The following GPC6 variants were observed in gnomAD, a reference collection of about 807,000 sequenced individuals.
The protein encoded by GPC6 is glypican 6.
In GPC6, 14 loss-of-function variants were observed where a neutral mutation model predicts 55.2. The observed-to-expected ratio is 0.25, with a 90% CI of 0.17 to 0.40. GPC6 has a LOEUF of 0.40. Ranked by LOEUF, GPC6 falls within the 10% of genes least tolerant of loss-of-function variation. The pLI, the probability that GPC6 is intolerant of heterozygous loss-of-function variation, is 1.00. For missense variants in GPC6, 641 were observed against 708.5 expected (o/e 0.90, Z 1.08); for synonymous variants, 278 against 259.6 (o/e 1.07, Z -0.68).
intron 1 of GPC6, among the ~76,000 whole-genome samples, chr13:93,448,706 T>C (rs1011561747): frequency 5.3e-5 from 8 of 152,174 alleles, no homozygotes; most frequent in Non-Finnish European, 1.0e-4. Flanking sequence ...GTTTTCCATA[T>C]CTAAGTGGAA....
chr13:93,634,294 C>T (rs951397344), intron 2 of GPC6, among the ~76,000 whole-genome samples: 6 of 152,136 alleles, frequency 3.9e-5, no homozygotes, highest in African/African-American at 1.4e-4. Flanking sequence ...ACATTAGTGA[C>T]GCCTTATGCA....
chr13:93,285,790 C>T (rs1878104100), intron 1 of GPC6, among the ~76,000 whole-genome samples: 1 of 151,896 alleles, frequency 6.6e-6, no homozygotes, highest in Non-Finnish European at 1.5e-5. Context: ...ATTATAGGAA[C>T]AAAATTGCTG....
intron 7 of GPC6, among the ~76,000 whole-genome samples, chr13:94,387,861 G>A (rs1017427303): frequency 1.3e-5 from 2 of 152,002 alleles, no homozygotes; most frequent in Non-Finnish European, 2.9e-5. Context: ...TGGACACCAT[G>A]GTCCCAAGAA....
intron 4 of GPC6, among the ~76,000 whole-genome samples, chr13:94,100,349 A>G (rs745811496): frequency 1.2e-4 from 19 of 152,194 alleles, no homozygotes; most frequent in Non-Finnish European, 2.2e-4. Context: ...TTCACATTTC[A>G]GTGTTTAATA....
chr13:93,410,400 T>G (rs1343143257), intron 1 of GPC6, among the ~76,000 whole-genome samples: 1 of 152,174 alleles, frequency 6.6e-6, no homozygotes, highest in Admixed American at 6.6e-5. Flanking sequence ...GAAGAGCAGC[T>G]GGTAAAGCTA....
In GPC6 at chr13:93,686,391, A is replaced by G. The variant is rs1375019799; in HGVS notation, c.319+140970A>G. 1.3e-5 allele frequency among the ~76,000 whole-genome samples: 2 copies of G among 152,116 alleles called. 1 individual carries two copies. The highest frequency in any genetic ancestry group is 2.9e-5 in the Non-Finnish European group (2 of 68,020). On this transcript the variant is annotated intron_variant, in intron 2 of 8. Transcript: ENST00000377047. ...GTTGTACATCTCTCATCTTGACAAT[A>G]TCCTTTGGCTGTCTTGAGATTAAGG...
At chr13:93,896,272 T>C (rs544263464) in intron 3 of GPC6, among the ~76,000 whole-genome samples, 18 of 152,100 alleles carry the variant, frequency 1.2e-4, no homozygotes, top group Admixed American at 9.2e-4. Flanking sequence ...TTCCCCTCAA[T>C]AGACATGGAT....
At position 94,407,335 on chromosome 13, in the gene GPC6, T is replaced by C. The variant is rs1404499030; in HGVS notation, c.*4118T>C. 1 of 152,128 alleles carries C rather than the reference T, an allele frequency of 6.6e-6. No homozygotes were observed. The highest frequency in any genetic ancestry group is 2.4e-5 in the African/African-American group (1 of 41,436). 9.4% of individuals were successfully genotyped at this position (152,128 alleles called of 1,614,324 possible). On this transcript the variant is annotated 3_prime_UTR_variant, in exon 9 of 9. Coordinates refer to ENST00000377047, the MANE Select transcript of GPC6 (RefSeq NM_005708.5). ...CAAATGAATATTATTTGGGTTAAGA[T>C]TTTTCATTTCTGATTTGGATAGAAA...
At chr13:94,095,461 A>T (rs1478959389) in intron 4 of GPC6, among the ~76,000 whole-genome samples, 1 of 152,246 alleles carries the variant, frequency 6.6e-6, no homozygotes, top group African/African-American at 2.4e-5. Flanking sequence ...AACTCAACGT[A>T]TCCAAAATAT....
intron 2 of GPC6, among the ~76,000 whole-genome samples, chr13:93,607,510 AT>A (rs1878284476): frequency 6.6e-6 from 1 of 152,028 alleles, no homozygotes; most frequent in Non-Finnish European, 1.5e-5. Flanking sequence ...AATAGGTTGA[AT>A]TTTCCTTCCT....
At chr13:93,615,033 T>G (rs1878655721) in intron 2 of GPC6, among the ~76,000 whole-genome samples, 1 of 152,164 alleles carries the variant, frequency 6.6e-6, no homozygotes, top group East Asian at 1.9e-4. Flanking sequence ...CATTTCCAAG[T>G]GCAGACTCCA....
rs1278419702 is a variant in GPC6, at chr13:93,935,311, T to C, written c.712-92418T>C. On this transcript the variant is annotated intron_variant, in intron 3 of 8. Coordinates refer to ENST00000377047, the MANE Select transcript of GPC6 (RefSeq NM_005708.5). Reference sequence around the variant, plus strand: ...TCCCATTGTCTATTATTTCCATCTTTATATAGGTACTTATTGTTGAGTTCC... The same window carrying C: ...TCCCATTGTCTATTATTTCCATCTTCATATAGGTACTTATTGTTGAGTTCC... Among the ~76,000 whole-genome samples the C allele has an allele frequency of 2.0e-5, 3 of 152,156 alleles. No individual in the cohort carries two copies. The East Asian group carries it at 5.8e-4, about 29-fold the overall frequency.
chr13:93,256,111 A>G (rs1033867475), intron 1 of GPC6, among the ~76,000 whole-genome samples: 2 of 147,786 alleles, frequency 1.4e-5, no homozygotes, highest in Non-Finnish European at 3.0e-5. Context: ...CAGAGAGTGT[A>G]GTGAGCCGAG....
At chr13:93,508,082 A>T (rs1228355460) in intron 1 of GPC6, among the ~76,000 whole-genome samples, 1 of 152,192 alleles carries the variant, frequency 6.6e-6, no homozygotes, top group Non-Finnish European at 1.5e-5. Flanking sequence ...TTAATTAAGC[A>T]AGTTGTAAAG....
chr13:93,496,297 C>A (rs569054321), intron 1 of GPC6, among the ~76,000 whole-genome samples: 362 of 152,278 alleles, frequency 2.4e-3, no homozygotes, highest in Non-Finnish European at 4.3e-3. Context: ...TCAGGTGCGT[C>A]CCTCACCCCT....
chr13:93,750,242 G>A (rs1033162108), intron 2 of GPC6, among the ~76,000 whole-genome samples: 20 of 152,182 alleles, frequency 1.3e-4, no homozygotes, highest in Non-Finnish European at 2.8e-4. Flanking sequence ...ATCACAGTGT[G>A]TGGGATGTTT....
At chr13:93,764,185 G>C (rs1885040063) in intron 2 of GPC6, among the ~76,000 whole-genome samples, 1 of 152,004 alleles carries the variant, frequency 6.6e-6, no homozygotes, top group African/African-American at 2.4e-5. Flanking sequence ...TAGACCCTTT[G>C]CTATGTATTT....
At chr13:93,573,654 C>T (rs1173098902) in intron 2 of GPC6, among the ~76,000 whole-genome samples, 1 of 152,016 alleles carries the variant, frequency 6.6e-6, no homozygotes, top group East Asian at 1.9e-4. Flanking sequence ...ATTGAGCAAT[C>T]GAGACCTAGT....
intron 1 of GPC6, among the ~76,000 whole-genome samples, chr13:93,373,958 C>T (rs537716040): frequency 2.6e-5 from 4 of 152,176 alleles, no homozygotes; most frequent in South Asian, 4.1e-4. Flanking sequence ...ATGTCCTGAG[C>T]CCTGTATAGT....
Sources: gnomAD v4.1 joint callset for allele counts (sites outside exome capture counted in the v4.1 genomes callset) on GRCh38, gnomAD v4.1.1 for gene constraint, MANE v1.5 for transcripts, NCBI Gene and HGNC (gene_info 2026-07-23, HGNC 2026-07-21) for gene names.